Variants in EML5 observed in about 807,000 individuals in gnomAD.
EML5 encodes the protein EMAP like 5.
In EML5, 120 loss-of-function variants were observed where a neutral mutation model predicts 250.0. The ratio of observed to expected loss-of-function variants is 0.48; its 90% CI spans 0.41 to 0.56. EML5 has a LOEUF of 0.56. Among genes scored for constraint, EML5 ranks in the 20% least tolerant of loss-of-function variants. EML5 has a pLI of 0.00. For synonymous variants in EML5, 771 were observed against 806.5 expected, an observed-to-expected ratio of 0.96 and a Z score of 0.75; for missense variants, 2,006 against 2,437.6, an observed-to-expected ratio of 0.82 and a Z score of 3.73.
At position 88,784,469 on chromosome 14, in the gene EML5, T is replaced by G. The variant is rs530024835; in HGVS notation, c.197+7838A>C. On this transcript the variant is annotated intron_variant, in intron 1 of 43. Transcript: ENST00000554922. ...AAAAAGGAGACATTACAACTGATAC[T>G]GCAGAAATTCAAAGGATCATTAGTG... is the stretch of plus-strand genomic sequence containing the variant. Among the ~76,000 whole-genome samples the G allele has an allele frequency of 4.6e-5, 7 of 151,772 alleles. No homozygotes were observed. The South Asian group carries it at 1.2e-3, about 27-fold the overall frequency.
intron 26 of EML5, 104 bp from the exon 27 acceptor site, chr14:88,657,606 T>C: frequency 1.8e-6 from 2 of 1,132,154 alleles, no homozygotes; most frequent in Non-Finnish European, 1.2e-6. Flanking sequence ...TAAATTAAGT[T>C]GTTATAAGCA....
At chr14:88,779,575 C>T (rs920229396) in intron 1 of EML5, among the ~76,000 whole-genome samples, 3 of 152,174 alleles carry the variant, frequency 2.0e-5, no homozygotes, top group African/African-American at 7.2e-5. Context: ...AATTAAAAAG[C>T]TCAAATTGTC....
chr14:88,775,991 T>A (rs1320229980), intron 1 of EML5, among the ~76,000 whole-genome samples: 1 of 151,998 alleles, frequency 6.6e-6, no homozygotes, highest in Non-Finnish European at 1.5e-5. Flanking sequence ...TCCAGAGAAT[T>A]CTCCGGGATC....
At position 88,720,112 on chromosome 14, in the gene EML5, C is replaced by A. The variant is rs533642152; in HGVS notation, c.1188-4917G>T. 1.5e-3 allele frequency among the ~76,000 whole-genome samples: 226 copies of A among 152,170 alleles called. 1 individual carries two copies. The highest frequency in any genetic ancestry group is 2.7e-3 in the Non-Finnish European group (187 of 68,006). On this transcript the variant is annotated intron_variant, in intron 8 of 43. Transcript: ENST00000554922. ...GGAAGAAGCTGAATCCCTAAATAGA[C>A]CAATAACAAGTTCTAAAATTGAGGC...
chr14:88,737,087 G>T (rs2093852659), intron 6 of EML5, among the ~76,000 whole-genome samples: 1 of 152,064 alleles, frequency 6.6e-6, no homozygotes, highest in Admixed American at 6.5e-5. Context: ...CCAGCTGCCA[G>T]TATAACTTCT....
intron 8 of EML5, among the ~76,000 whole-genome samples, chr14:88,718,798 T>G (rs2093544147): frequency 6.6e-6 from 1 of 152,090 alleles, no homozygotes; most frequent in Non-Finnish European, 1.5e-5. Flanking sequence ...AAACTTAAGA[T>G]GGGACACATT....
intron 8 of EML5, among the ~76,000 whole-genome samples, chr14:88,719,904 G>A (rs1400727915): frequency 6.6e-6 from 1 of 151,892 alleles, no homozygotes; most frequent in South Asian, 2.1e-4. Context: ...GACTAATGAA[G>A]GAGAAAAGAG....
chr14:88,732,369 C>T (rs556356295), intron 7 of EML5, among the ~76,000 whole-genome samples: 84 of 152,112 alleles, frequency 5.5e-4, no homozygotes, highest in Admixed American at 9.2e-4. Context: ...AAAGATCAGA[C>T]GGTTGTAGAT....
chr14:88,773,979 T>G (rs1261027756), intron 1 of EML5, among the ~76,000 whole-genome samples: 2 of 151,904 alleles, frequency 1.3e-5, no homozygotes, highest in African/African-American at 4.8e-5. Context: ...ATTAGCTTGG[T>G]GTGGTGGCAG....
chr14:88,759,685 T>TAAAAA (rs58676323), intron 1 of EML5, among the ~76,000 whole-genome samples: 1,276 of 92,858 alleles, frequency 0.014, 46 homozygotes, highest in African/African-American at 0.045. Context: ...CACCATCTCT[T>TAAAAA]AAAAAAAAAA....
chr14:88,684,009 A>T (rs1366410669), intron 20 of EML5, among the ~76,000 whole-genome samples: 3 of 152,174 alleles, frequency 2.0e-5, no homozygotes, highest in African/African-American at 2.4e-5. Context: ...GGACAAGAAG[A>T]AGTAAAACTA....
rs1475361440 is a variant in EML5 at position 88,642,941 on chromosome 14, TATC to T, written c.4186_4188del (p.Asp1396del). On this transcript the variant is annotated inframe_deletion, in exon 31 of 44. Transcript: ENST00000554922. Reference sequence around the variant, plus strand: ...CCAACAGATGCAGTGTGATAAATTATATCATCACCATCATTTAAATAGTGAACA... The same window carrying T: ...CCAACAGATGCAGTGTGATAAATTATATCACCATCATTTAAATAGTGAACA... 2.5e-6 allele frequency: 4 copies of T among 1,606,748 alleles called. No homozygotes were observed. Among genetic ancestry groups the T allele is most frequent in the East Asian group, 2.3e-5 (1 of 44,444 alleles).
intron 27 of EML5, among the ~76,000 whole-genome samples, chr14:88,654,903 G>T (rs1276587750): frequency 6.6e-6 from 1 of 151,994 alleles, no homozygotes; most frequent in Non-Finnish European, 1.5e-5. Context: ...TTTTTGTGTG[G>T]GAGTCTAAGT....
chr14:88,649,121 C>A (rs1468723585), intron 28 of EML5, among the ~76,000 whole-genome samples: 1 of 152,140 alleles, frequency 6.6e-6, no homozygotes, highest in East Asian at 1.9e-4. Context: ...CCTCAAACTC[C>A]CAGGCTCAAG....
At chr14:88,708,812 AT>A (rs879565113) in intron 10 of EML5, among the ~76,000 whole-genome samples, 14 of 152,148 alleles carry the variant, frequency 9.2e-5, no homozygotes, top group Admixed American at 2.0e-4. Flanking sequence ...CCTTTTGATT[AT>A]GAAAACTATG....
intron 38 of EML5, 89 bp from the exon 39 acceptor site, chr14:88,621,015 A>G: frequency 2.0e-6 from 3 of 1,480,258 alleles, no homozygotes; most frequent in Non-Finnish European, 9.0e-7. Flanking sequence ...AAAATGCTCA[A>G]CAGAATTCTG....
intron 10 of EML5, among the ~76,000 whole-genome samples, chr14:88,708,840 T>C (rs913334503): frequency 5.3e-5 from 8 of 152,080 alleles, no homozygotes; most frequent in Non-Finnish European, 1.0e-4. Context: ...AATGATTCAG[T>C]AATAAGAATA....
chr14:88,685,091 C>A lies in EML5; in HGVS notation c.2906G>T (p.Gly969Val), dbSNP rs2092801710. Reference sequence around the variant, plus strand: ...ATTCTTTGTGCCAACTAAAATATGACCATGTCCTAATGATATGGCACGTAT... The same window carrying A: ...ATTCTTTGTGCCAACTAAAATATGAACATGTCCTAATGATATGGCACGTAT... Reference protein sequence around the residue: ...PSIRAISLGHGHILVGTKNGE... With the variant: ...PSIRAISLGHVHILVGTKNGE... The change falls in exon 20 of 44, where the codon GGT (glycine) becomes GTT (valine). Residue 969 changes from glycine to valine, a missense_variant. This residue lies in a region of EML5 where 1,375 missense variants were observed against 1,590.3 expected (regional missense o/e 0.86). Coordinates refer to ENST00000554922, the MANE Select transcript of EML5 (RefSeq NM_183387.3). 6.2e-7 allele frequency: 1 copy of A among 1,610,730 alleles called. No homozygotes were observed. Among genetic ancestry groups the A allele is most frequent in the African/African-American group, 1.3e-5 (1 of 74,898 alleles).
At chr14:88,736,662 G>A (rs922291585) in intron 6 of EML5, 97 bp from the exon 7 acceptor site, 9 of 1,183,504 alleles carry the variant, frequency 7.6e-6, no homozygotes, top group Non-Finnish European at 1.1e-5. Context: ...AAGTCCCGGT[G>A]AAAGCCAACC....
Sources: allele counts gnomAD v4.1 joint callset (sites outside exome capture counted in the v4.1 genomes callset), GRCh38; gene constraint gnomAD v4.1.1; regional missense constraint gnomAD v4.1.1; transcripts MANE v1.5; gene names NCBI Gene and HGNC (gene_info 2026-07-23, HGNC 2026-07-21).